LAMA2: variants seen among roughly 807,000 people sequenced by gnomAD.
LAMA2 encodes laminin subunit alpha-2.
In LAMA2, 269 loss-of-function variants were observed where a neutral mutation model predicts 364.8. The ratio of observed to expected loss-of-function variants is 0.74; its 90% CI spans 0.67 to 0.82. The LOEUF is 0.82. Ranked by LOEUF, LAMA2 falls within the 40% of genes least tolerant of loss-of-function variation. LAMA2 has a pLI of 0.00. For synonymous variants in LAMA2, 1,379 were observed against 1,370.6 expected, an observed-to-expected ratio of 1.01 and a Z score of -0.14; for missense variants, 3,807 against 3,873.2, an observed-to-expected ratio of 0.98 and a Z score of 0.45.
chr6:129,147,235 C>CACAG (rs1778514726), intron 6 of LAMA2, among the ~76,000 whole-genome samples, 187 bp downstream of exon 6: 1 of 148,826 alleles, frequency 6.7e-6, no homozygotes, highest in Non-Finnish European at 1.5e-5. Context: ...AATCAGCCAT[C>CACAG]ACAGTATAAG....
intron 37 of LAMA2, among the ~76,000 whole-genome samples, chr6:129,395,579 G>C (rs1472553958): frequency 6.6e-6 from 1 of 152,310 alleles, no homozygotes; most frequent in African/African-American, 2.4e-5. Context: ...CAGCTTCAAG[G>C]TTGAGAACCA....
At chr6:129,333,308 T>G (rs190640771) in intron 29 of LAMA2, among the ~76,000 whole-genome samples, 1 of 152,328 alleles carries the variant, frequency 6.6e-6, no homozygotes, top group African/African-American at 2.4e-5. Context: ...GCTTTCTATT[T>G]TATTACTGAT....
chr6:129,384,577 A>G (rs1778871579), intron 35 of LAMA2, among the ~76,000 whole-genome samples: 1 of 152,190 alleles, frequency 6.6e-6, no homozygotes, highest in African/African-American at 2.4e-5. Flanking sequence ...CCAAAGAGAG[A>G]TGCATATTCA....
At chr6:129,065,580 A>T (rs1353741285) in intron 3 of LAMA2, among the ~76,000 whole-genome samples, 1 of 152,226 alleles carries the variant, frequency 6.6e-6, no homozygotes, top group African/African-American at 2.4e-5. Context: ...AAATCAATAT[A>T]CTAAAATTAG....
chr6:129,424,904 A>C (rs903483356), intron 40 of LAMA2, among the ~76,000 whole-genome samples: 8 of 152,014 alleles, frequency 5.3e-5, no homozygotes, highest in Middle Eastern at 3.2e-3. Flanking sequence ...AAATTTGTAC[A>C]CAGATGTGTA....
Position 128,888,972 on chromosome 6 carries a change from C to A in LAMA2, c.112+5615C>A, listed in dbSNP as rs148682242. On this transcript the variant is annotated intron_variant, in intron 1 of 64. Transcript: ENST00000421865. ...ATTTAAGTGATTCTACATTCAAGAG[C>A]ATTCCACTTCAACCATCTTATCATG... 1.4e-3 allele frequency among the ~76,000 whole-genome samples: 218 copies of A among 152,326 alleles called. 1 individual carries two copies. Among genetic ancestry groups the A allele is most frequent in the African/African-American group, 4.8e-3 (200 of 41,572 alleles).
chr6:129,213,416 A>G (rs766706658), intron 12 of LAMA2, among the ~76,000 whole-genome samples: 8 of 152,218 alleles, frequency 5.3e-5, no homozygotes, highest in Non-Finnish European at 7.3e-5. Flanking sequence ...ACTGGATCAT[A>G]TGGTCAGAGC....
intron 1 of LAMA2, among the ~76,000 whole-genome samples, chr6:129,044,982 AT>A (rs1787372786): frequency 6.6e-6 from 1 of 152,194 alleles, no homozygotes; most frequent in South Asian, 2.1e-4. Flanking sequence ...TTAACATATA[AT>A]GAAAATGGGT....
At chr6:129,238,037 C>A (rs1223284511) in intron 12 of LAMA2, among the ~76,000 whole-genome samples, 2 of 148,932 alleles carry the variant, frequency 1.3e-5, no homozygotes, top group East Asian at 3.9e-4. Context: ...TGGTGGTGCA[C>A]ACCTATAATT....
At chr6:129,207,782 C>T (rs1299384241) in intron 12 of LAMA2, among the ~76,000 whole-genome samples, 2 of 143,848 alleles carry the variant, frequency 1.4e-5, no homozygotes, top group Non-Finnish European at 3.0e-5. Context: ...CCAAAAATAC[C>T]CCTGAGAAAA....
intron 41 of LAMA2, 60 bp downstream of exon 41, chr6:129,427,914 T>G: frequency 1.0e-6 from 1 of 990,072 alleles, no homozygotes; most frequent in Non-Finnish European, 1.6e-6. Context: ...TGATAAGATA[T>G]TCTATCACAC....
intron 14 of LAMA2, 144 bp from the exon 15 acceptor site, chr6:129,260,567 G>A: frequency 1.4e-6 from 1 of 705,792 alleles, no homozygotes. Context: ...AAGGACCAGA[G>A]CTTTTGGTTA....
chr6:128,953,249 A>G (rs1251632923), intron 1 of LAMA2, among the ~76,000 whole-genome samples: 2 of 152,158 alleles, frequency 1.3e-5, no homozygotes, highest in East Asian at 1.9e-4. Context: ...GTACCTTTCA[A>G]TTGAACCTGT....
chr6:129,464,594 T>A (rs536416101), intron 50 of LAMA2, 142 bp downstream of exon 50: 2 of 767,844 alleles, frequency 2.6e-6, no homozygotes, highest in Admixed American at 3.5e-5. Flanking sequence ...CAGCCAAGAA[T>A]GGGTGATACA....
intron 16 of LAMA2, among the ~76,000 whole-genome samples, chr6:129,267,576 C>T (rs1260698546): frequency 1.3e-5 from 2 of 151,806 alleles, no homozygotes; most frequent in Admixed American, 1.3e-4. Flanking sequence ...TAATTTATAT[C>T]CCCATAATAT....
chr6:129,271,526 G>A (rs796545507), intron 17 of LAMA2, among the ~76,000 whole-genome samples: 4 of 141,336 alleles, frequency 2.8e-5, no homozygotes, highest in African/African-American at 1.0e-4. Context: ...CTAGAGTGCA[G>A]TGGTGCAATC....
chr6:128,944,436 ATTACTTT>A (rs1780368182), intron 1 of LAMA2, among the ~76,000 whole-genome samples: 1 of 152,170 alleles, frequency 6.6e-6, no homozygotes, highest in African/African-American at 2.4e-5. Flanking sequence ...TAGAAAAACA[ATTACTTT>A]TTGCATTAGT....
intron 12 of LAMA2, among the ~76,000 whole-genome samples, chr6:129,229,113 T>C (rs1360848036): frequency 6.6e-6 from 1 of 152,188 alleles, no homozygotes; most frequent in Non-Finnish European, 1.5e-5. Context: ...GAATACAACT[T>C]AGACCTCATG....
In LAMA2 at chr6:129,177,860, C is replaced by T. The variant is rs773136834; in HGVS notation, c.1461C>T (p.Ile487=). The stretch of plus-strand genomic sequence containing the variant: ...AGGATCCTTGTTTTGGCCCCTGTAT[C>T]TGCAAGGTACATTGTTTATTCCAGT... ...KNEDPCFGPC[I]CKENVEGGDC... is the part of the protein sequence containing the mutation. The change falls in exon 10 of 65, where the codon ATC becomes ATT. Residue 487 remains isoleucine, a synonymous_variant. Transcript: ENST00000421865. 3 of 1,613,654 alleles carry T rather than the reference C, an allele frequency of 1.9e-6. No individual in the cohort carries two copies. The African/African-American group carries it at 4.0e-5, about 22-fold the overall frequency.
Sources: allele counts gnomAD v4.1 joint callset (sites outside exome capture counted in the v4.1 genomes callset), GRCh38; gene constraint gnomAD v4.1.1; transcripts MANE v1.5; gene names NCBI Gene and HGNC (gene_info 2026-07-23, HGNC 2026-07-21).